CSMD3: variants seen among roughly 807,000 people sequenced by gnomAD.
CSMD3 encodes CUB and sushi domain-containing protein 3.
A neutral mutation model predicts 435.2 loss-of-function variants in CSMD3; 177 were observed. That is an observed-to-expected ratio of 0.41 (90% CI 0.36 to 0.46). CSMD3 has a LOEUF of 0.46. Among genes scored for constraint, CSMD3 ranks in the 20% least tolerant of loss-of-function variants. The probability of loss-of-function intolerance (pLI) is 0.34; values close to 1 mark genes in which losing one functional copy is unlikely to be tolerated. For synonymous variants in CSMD3, 1,656 were observed against 1,520.5 expected (o/e 1.09, Z -2.07); for missense variants, 4,265 against 4,504.6 (o/e 0.95, Z 1.52).
intron 35 of CSMD3, among the ~76,000 whole-genome samples, chr8:112,395,176 A>G (rs539722718): frequency 8.6e-4 from 131 of 152,298 alleles, no homozygotes; most frequent in African/African-American, 3.1e-3. Flanking sequence ...TCAGTATTCA[A>G]TATAATATGT....
intron 2 of CSMD3, among the ~76,000 whole-genome samples, chr8:113,295,651 C>T (rs2093715507): frequency 6.6e-6 from 1 of 152,150 alleles, no homozygotes; most frequent in Admixed American, 6.6e-5. Flanking sequence ...TCGCACTTTG[C>T]AAGGCCCAGG....
chr8:112,987,958 A>C (rs2085315630), intron 6 of CSMD3, among the ~76,000 whole-genome samples: 1 of 152,032 alleles, frequency 6.6e-6, no homozygotes, highest in African/African-American at 2.4e-5. Flanking sequence ...TTTGGGGAGA[A>C]GCAATGAAGA....
chr8:113,038,804 C>T (rs1177651527), intron 5 of CSMD3, among the ~76,000 whole-genome samples: 1 of 152,124 alleles, frequency 6.6e-6, no homozygotes, highest in Non-Finnish European at 1.5e-5. Context: ...CTGGATTTCC[C>T]ATACAAACAG....
At chr8:112,409,056 G>A (rs1832102543) in intron 32 of CSMD3, 24 bp from the exon 33 acceptor site, 1 of 1,612,570 alleles carries the variant, frequency 6.2e-7, no homozygotes, top group Non-Finnish European at 8.5e-7. Flanking sequence ...ACCCGGAGAA[G>A]CAAACAAATC....
chr8:112,392,704 C>T (rs1398232738), intron 35 of CSMD3, among the ~76,000 whole-genome samples: 1 of 151,618 alleles, frequency 6.6e-6, no homozygotes, highest in African/African-American at 2.4e-5. Context: ...AAATAAGTGG[C>T]CTCCCTATGG....
chr8:112,995,841 C>T (rs747933857), intron 6 of CSMD3, among the ~76,000 whole-genome samples: 1 of 137,684 alleles, frequency 7.3e-6, no homozygotes, highest in Non-Finnish European at 1.7e-5. Context: ...TTGTCTTTAC[C>T]ATTCTTAGCT....
chr8:113,335,447 T>C (rs538860779), intron 1 of CSMD3, among the ~76,000 whole-genome samples: 1 of 151,842 alleles, frequency 6.6e-6, no homozygotes, highest in African/African-American at 2.4e-5. Flanking sequence ...TTCTCTATTA[T>C]TTTCTCTATT....
intron 54 of CSMD3, among the ~76,000 whole-genome samples, chr8:112,293,131 C>G (rs749108814): frequency 1.3e-5 from 2 of 151,646 alleles, no homozygotes; most frequent in African/African-American, 4.8e-5. Context: ...TGACTCATGC[C>G]TATAATCTCA....
At chr8:113,378,950 T>C (rs555677183) in intron 1 of CSMD3, among the ~76,000 whole-genome samples, 3 of 152,164 alleles carry the variant, frequency 2.0e-5, no homozygotes, top group African/African-American at 7.2e-5. Context: ...CAAAATGAAA[T>C]TGAGGAGGTA....
intron 10 of CSMD3, among the ~76,000 whole-genome samples, chr8:112,921,187 T>G (rs2082733780): frequency 6.6e-6 from 1 of 152,016 alleles, no homozygotes; most frequent in Non-Finnish European, 1.5e-5. Context: ...CTAACTGGTT[T>G]GTTCTAGATT....
intron 5 of CSMD3, among the ~76,000 whole-genome samples, chr8:113,096,031 C>CT (rs1036324859): frequency 8.5e-5 from 13 of 152,138 alleles, no homozygotes; most frequent in African/African-American, 1.4e-4. Flanking sequence ...GTATTAGTTT[C>CT]TTTTTCCTTT....
At chr8:113,341,081 T>A (rs1441295597) in intron 1 of CSMD3, among the ~76,000 whole-genome samples, 1 of 152,136 alleles carries the variant, frequency 6.6e-6, no homozygotes, top group Non-Finnish European at 1.5e-5. Flanking sequence ...TTGTACATAT[T>A]TCAAGGGTAC....
chr8:112,998,773 T>C (rs549367605), intron 6 of CSMD3, among the ~76,000 whole-genome samples: 9 of 152,012 alleles, frequency 5.9e-5, no homozygotes, highest in Admixed American at 4.6e-4. Flanking sequence ...GGAGGCAGAT[T>C]TCACCCTTTG....
At position 112,341,593 on chromosome 8, in the gene CSMD3, C is replaced by T. The variant is rs768342442; in HGVS notation, c.6536G>A (p.Gly2179Asp). ...TGGTATTTGAGGACCACTAAGCCGG[C>T]CAATAACAGTACTAGTTTCTGAGGA... ...SGSSETSTVI[G>D]RLSGPQIPSS... Residue 2179 changes from glycine (G) to aspartate (D), a missense_variant, in exon 42 of 71, where the codon GGC (glycine) becomes GAC (aspartate). Physicochemically the swap from Gly to Asp is moderately conservative, Grantham distance 94. Around this residue, in one of 3 missense-constraint regions of CSMD3, gnomAD observed 3,255 missense variants for 3,380.2 expected, o/e 0.96. Transcript: ENST00000297405. 6.2e-7 allele frequency: 1 copy of T among 1,612,654 alleles called. No homozygotes were observed.
intron 3 of CSMD3, among the ~76,000 whole-genome samples, chr8:113,265,690 T>C (rs1384756500): frequency 6.6e-6 from 1 of 151,676 alleles, no homozygotes; most frequent in Admixed American, 6.6e-5. Context: ...AGATTATATT[T>C]AAATAATAAA....
intron 3 of CSMD3, among the ~76,000 whole-genome samples, chr8:113,229,843 C>T (rs1010107847): frequency 1.3e-5 from 2 of 151,608 alleles, no homozygotes; most frequent in Non-Finnish European, 1.5e-5. Flanking sequence ...GCCCTCATCA[C>T]ATACTCTCTA....
intron 3 of CSMD3, among the ~76,000 whole-genome samples, chr8:113,189,187 T>A (rs2092550337): frequency 6.6e-6 from 1 of 151,864 alleles, no homozygotes; most frequent in Non-Finnish European, 1.5e-5. Flanking sequence ...TACCTACTAA[T>A]CATGCTAACT....
intron 10 of CSMD3, among the ~76,000 whole-genome samples, chr8:112,885,909 G>A (rs1428613576): frequency 6.6e-6 from 1 of 151,640 alleles, no homozygotes; most frequent in African/African-American, 2.4e-5. Context: ...GTTACCCCAG[G>A]AAATAAAGGT....
At chr8:112,346,862 T>G (rs1825728741) in intron 40 of CSMD3, among the ~76,000 whole-genome samples, 1 of 151,772 alleles carries the variant, frequency 6.6e-6, no homozygotes, top group Non-Finnish European at 1.5e-5. Flanking sequence ...GTATTTTTAG[T>G]AGAGACGGGG....
Sources: gnomAD v4.1 joint callset for allele counts (sites outside exome capture counted in the v4.1 genomes callset) on GRCh38, gnomAD v4.1.1 for gene constraint, gnomAD v4.1.1 regional missense constraint, MANE v1.5 for transcripts, NCBI Gene and HGNC (gene_info 2026-07-23, HGNC 2026-07-21) for gene names.